Variants in FAM184B observed in about 807,000 individuals in gnomAD.
FAM184B encodes family with sequence similarity 184 member B, also known as protein FAM184B.
Under a neutral mutation model 135.9 loss-of-function variants are expected in FAM184B, and 111 were observed. That is an observed-to-expected ratio of 0.82 (90% confidence interval 0.70 to 0.96). FAM184B has a LOEUF of 0.96. Among genes scored for constraint, FAM184B ranks in the 40% least tolerant of loss-of-function variants. The probability of loss-of-function intolerance (pLI) is 0.00; values close to 1 mark genes in which losing one functional copy is unlikely to be tolerated. For synonymous variants in FAM184B, 552 were observed against 524.8 expected, an observed-to-expected ratio of 1.05 and a Z score of -0.71; for missense variants, 1,375 against 1,323.9, an observed-to-expected ratio of 1.04 and a Z score of -0.60.
rs73800368 is a variant in FAM184B at position 17,722,951 on chromosome 4, A to T, written c.142-13307T>A. Among the ~76,000 whole-genome samples the T allele has an allele frequency of 8.4e-3, 1,279 of 152,348 alleles. 19 individuals are homozygous for T. Among genetic ancestry groups the T allele is most frequent in the African/African-American group, 0.028 (1,174 of 41,574 alleles). ...AGCGGGAGCATCAAACCCTATAACC[A>T]TGCATACAAATGGAATTGCGAAAAT... On this transcript the variant is annotated intron_variant, in intron 1 of 17. Coordinates refer to ENST00000265018, the MANE Select transcript of FAM184B (RefSeq NM_015688.2).
intron 1 of FAM184B, among the ~76,000 whole-genome samples, chr4:17,756,439 T>C: frequency 6.6e-6 from 1 of 152,224 alleles, no homozygotes; most frequent in East Asian, 1.9e-4. Flanking sequence ...TTTACAATGA[T>C]ATCCTCCTCT....
chr4:17,717,090 T>C (rs1199160149), intron 1 of FAM184B, among the ~76,000 whole-genome samples: 3 of 152,074 alleles, frequency 2.0e-5, no homozygotes, highest in African/African-American at 7.2e-5. Context: ...GGATCATCAG[T>C]GAGAAACACT....
chr4:17,636,865 G>A (rs1715156079), intron 14 of FAM184B, among the ~76,000 whole-genome samples: 1 of 152,162 alleles, frequency 6.6e-6, no homozygotes, highest in Non-Finnish European at 1.5e-5. Context: ...AGGAAGCAAA[G>A]GCCCCTGTGT....
chr4:17,715,973 A>G (rs1243744179), intron 1 of FAM184B, among the ~76,000 whole-genome samples: 3 of 152,292 alleles, frequency 2.0e-5, no homozygotes, highest in Non-Finnish European at 4.4e-5. Context: ...GTAAGCCTGA[A>G]GTCTGCTTTT....
intron 10 of FAM184B, among the ~76,000 whole-genome samples, chr4:17,657,874 C>G (rs1715813070): frequency 6.6e-6 from 1 of 152,066 alleles, no homozygotes; most frequent in Admixed American, 6.6e-5. Flanking sequence ...TCAGGCTGGT[C>G]TCGGACTGCT....
At chr4:17,755,474 T>C (rs540094978) in intron 1 of FAM184B, among the ~76,000 whole-genome samples, 17 of 152,202 alleles carry the variant, frequency 1.1e-4, no homozygotes, top group Non-Finnish European at 2.5e-4. Context: ...TGTAAATTAG[T>C]TCAACCATTG....
At chr4:17,667,801 T>C (rs560453142) in intron 7 of FAM184B, among the ~76,000 whole-genome samples, 2 of 152,390 alleles carry the variant, frequency 1.3e-5, no homozygotes, top group African/African-American at 4.8e-5. Context: ...CATGCTTGGA[T>C]GCTTGAATGC....
At chr4:17,636,761 A>G in intron 14 of FAM184B, 116 bp from the exon 15 acceptor site, 1 of 860,240 alleles carries the variant, frequency 1.2e-6, no homozygotes, top group Middle Eastern at 2.3e-4. Context: ...AGGGAGGCCC[A>G]GATAGCAGCA....
At chr4:17,650,888 T>C (rs531785217) in intron 11 of FAM184B, among the ~76,000 whole-genome samples, 1 of 152,114 alleles carries the variant, frequency 6.6e-6, no homozygotes, top group Non-Finnish European at 1.5e-5. Context: ...AGAATTCTCT[T>C]TTTACTTTTC....
At chr4:17,778,277 A>T (rs1718971085) in intron 1 of FAM184B, among the ~76,000 whole-genome samples, 1 of 152,230 alleles carries the variant, frequency 6.6e-6, no homozygotes, top group South Asian at 2.1e-4. Flanking sequence ...ACCAGAAGAC[A>T]GTGGAGTACT....
chr4:17,755,668 T>C (rs1718401968), intron 1 of FAM184B, among the ~76,000 whole-genome samples: 1 of 152,148 alleles, frequency 6.6e-6, no homozygotes, highest in Non-Finnish European at 1.5e-5. Context: ...CAAATGCCCA[T>C]CAATGATAGA....
At chr4:17,691,836 C>T (rs1034935541) in intron 6 of FAM184B, among the ~76,000 whole-genome samples, 6 of 151,960 alleles carry the variant, frequency 3.9e-5, no homozygotes, top group East Asian at 3.9e-4. Context: ...AGGCAGATCA[C>T]GAGGTCAAGA....
intron 1 of FAM184B, among the ~76,000 whole-genome samples, chr4:17,746,768 T>A (rs901224772): frequency 6.0e-5 from 9 of 149,466 alleles, no homozygotes; most frequent in African/African-American, 2.2e-4. Flanking sequence ...CTGGGCACGA[T>A]GGCTCACACC....
chr4:17,657,915 C>G (rs1164679636), intron 10 of FAM184B, among the ~76,000 whole-genome samples: 1 of 152,134 alleles, frequency 6.6e-6, no homozygotes, highest in Non-Finnish European at 1.5e-5. Context: ...CCTCCACCTC[C>G]CAAAGTGCTG....
chr4:17,685,582 CTG>C (rs1260344483), intron 7 of FAM184B, among the ~76,000 whole-genome samples: 1 of 131,180 alleles, frequency 7.6e-6, no homozygotes, highest in East Asian at 2.1e-4. Context: ...AAAAAAAAGA[CTG>C]AGGAGTTTCC....
chr4:17,730,837 G>GA (rs539942036), intron 1 of FAM184B, among the ~76,000 whole-genome samples: 104 of 151,868 alleles, frequency 6.8e-4, no homozygotes, highest in African/African-American at 2.3e-3. Context: ...TAAAAACTTT[G>GA]AAAAAAAATT....
chr4:17,767,509 A>G (rs1349118177), intron 1 of FAM184B, among the ~76,000 whole-genome samples: 1 of 152,256 alleles, frequency 6.6e-6, no homozygotes, highest in Non-Finnish European at 1.5e-5. Flanking sequence ...ACTGGGAAAC[A>G]AGTTTTAAAG....
rs189086178 is a variant in FAM184B at position 17,629,452 on chromosome 4, C to T, written c.*3080G>A. On this transcript the variant is annotated 3_prime_UTR_variant, in exon 18 of 18. Coordinates refer to ENST00000265018, the MANE Select transcript of FAM184B (RefSeq NM_015688.2). ...GTTGGATATTACATCAGTGTTAGAG[C>T]AGTTAAGGGCTCAGGTATGTGGTGT... is the stretch of plus-strand genomic sequence containing the variant. 4.6e-5 allele frequency: 7 copies of T among 152,322 alleles called. No individual in the cohort carries two copies. The highest frequency in any genetic ancestry group is 4.6e-4 in the Admixed American group (7 of 15,308). 9.4% of individuals were successfully genotyped at this position (152,322 alleles called of 1,614,324 possible).
intron 7 of FAM184B, among the ~76,000 whole-genome samples, chr4:17,668,264 G>A (rs1216459628): frequency 3.3e-5 from 5 of 152,178 alleles, no homozygotes; most frequent in East Asian, 1.9e-4. Flanking sequence ...ACAGTTGAAC[G>A]TAAAGTGTTT....
Sources: gnomAD v4.1 joint callset for allele counts (sites outside exome capture counted in the v4.1 genomes callset) on GRCh38, gnomAD v4.1.1 for gene constraint, MANE v1.5 for transcripts, NCBI Gene and HGNC (gene_info 2026-07-23, HGNC 2026-07-21) for gene names.